The following DNAH17 variants were observed in gnomAD, a reference collection of about 807,000 sequenced individuals.
The protein encoded by DNAH17 is dynein axonemal heavy chain 17.
In DNAH17, 376 loss-of-function variants were observed where a neutral mutation model predicts 485.6. That is an observed-to-expected ratio of 0.77 (90% CI 0.71 to 0.84). The LOEUF (loss-of-function observed/expected upper bound fraction) is 0.84, where lower values mean the gene tolerates loss of function less well. Among genes scored for constraint, DNAH17 ranks in the 40% least tolerant of loss-of-function variants. The pLI is 0.00. For synonymous variants in DNAH17, 3,031 were observed against 2,405.9 expected, an observed-to-expected ratio of 1.26 and a Z score of -7.60; for missense variants, 6,370 against 5,839.3, an observed-to-expected ratio of 1.09 and a Z score of -2.96.
At chr17:78,510,696 C>T in intron 26 of DNAH17, 190 bp from the exon 27 acceptor site, 1 of 701,802 alleles carries the variant, frequency 1.4e-6, no homozygotes. Context: ...GCCTCACCTT[C>T]CTTCCCTGTA....
rs146345760 is a variant in DNAH17 at position 78,572,170 on chromosome 17, T to G, written c.540-388A>C. On this transcript the variant is annotated intron_variant, in intron 3 of 80. Transcript: ENST00000389840. ...GCCCACGTGAGGCAAAATACGGAACTAATTGTCACGGGGGTCTCACATATC... is the reference window on the plus strand; with the variant it reads ...GCCCACGTGAGGCAAAATACGGAACGAATTGTCACGGGGGTCTCACATATC... 3.6e-3 allele frequency among the ~76,000 whole-genome samples: 553 copies of G among 152,284 alleles called. 1 individual carries two copies. Among genetic ancestry groups the G allele is most frequent in the Non-Finnish European group, 5.2e-3 (353 of 68,026 alleles).
At chr17:78,568,290 G>A (rs924475039) in intron 9 of DNAH17, among the ~76,000 whole-genome samples, 1 of 152,056 alleles carries the variant, frequency 6.6e-6, no homozygotes, top group Non-Finnish European at 1.5e-5. Flanking sequence ...ATTAGTCCGC[G>A]CTCTGTGACT....
At chr17:78,504,446 G>A (rs1337431871) in intron 31 of DNAH17, among the ~76,000 whole-genome samples, 1 of 149,930 alleles carries the variant, frequency 6.7e-6, no homozygotes, top group African/African-American at 2.5e-5. Context: ...GTAAGCCCAG[G>A]AAGCGAATCT....
rs185987859 is a variant in DNAH17, at chr17:78,507,746, C to G, written c.4296G>C (p.Pro1432=). Residue 1432 remains proline, a synonymous_variant, in exon 28 of 81, where the codon CCG becomes CCC. Transcript: ENST00000389840. ...SMMEFQHEPH[P]RTGTMMLKSS... ...ACTTGAGCATCATGGTGCCTGTCCG[C>G]GGGTGCGGCTCGTGCTGGAATTCCA... 1 of 1,600,824 alleles carries G rather than the reference C, an allele frequency of 6.2e-7. No individual in the cohort carries two copies. The highest frequency in any genetic ancestry group is 8.5e-7 in the Non-Finnish European group (1 of 1,178,446).
rs2086970259 is a variant in DNAH17, at chr17:78,439,141, AG to A, written c.11753del (p.Ala3918ValfsTer247). 6.2e-7 allele frequency: 1 copy of A among 1,613,534 alleles called. No homozygotes were observed. The highest frequency in any genetic ancestry group is 1.3e-5 in the African/African-American group (1 of 74,918). The part of the protein sequence containing the change: ...VSLGQGQEVV[A>X]ENALDVAAEK... The stretch of plus-strand genomic sequence containing the variant: ...CTGCAGCCACGTCCAGGGCGTTCTC[AG>A]CCACCACCTCTTGTCCCTGCCCCAG... On this transcript the variant is annotated frameshift_variant, in exon 73 of 81. Transcript: ENST00000389840. LOFTEE classifies it high-confidence loss of function.
chr17:78,480,727 A>G lies in DNAH17; in HGVS notation c.7709T>C (p.Met2570Thr). The G allele has an allele frequency of 6.2e-7, 1 of 1,613,768 alleles. No homozygotes were observed. The highest frequency in any genetic ancestry group is 1.1e-5 in the South Asian group (1 of 91,054). The stretch of plus-strand genomic sequence containing the variant: ...GGTGAAGGATCCGGAAGTGGGGTTC[A>G]TGCAGGCCACGTACTGACAATTATG... ...DIHNCQYVAC[M>T]NPTSGSFTID... Residue 2570 changes from methionine to threonine, a missense_variant, in exon 49 of 81, where the codon ATG becomes ACG. Coordinates refer to ENST00000389840, the MANE Select transcript of DNAH17 (RefSeq NM_173628.4).
intron 72 of DNAH17, 98 bp from the exon 73 acceptor site, chr17:78,439,315 T>A (rs1370989116): frequency 3.6e-6 from 5 of 1,399,440 alleles, no homozygotes; most frequent in Non-Finnish European, 4.8e-6. Flanking sequence ...GCCTCCCTCA[T>A]TTAGTTTCGG....
chr17:78,542,766 A>G (rs4969166), intron 17 of DNAH17, among the ~76,000 whole-genome samples: 85,561 of 152,052 alleles, frequency 0.56, 25,032 homozygotes, highest in East Asian at 0.76. Context: ...GCAGGCGTGC[A>G]TTATCACATT....
chr17:78,572,480 G>C (rs1407371291), intron 3 of DNAH17, among the ~76,000 whole-genome samples: 11 of 152,126 alleles, frequency 7.2e-5, no homozygotes, highest in Non-Finnish European at 4.4e-5. Context: ...CAGAGCCCCA[G>C]GGGCTGCAGA....
intron 25 of DNAH17, among the ~76,000 whole-genome samples, chr17:78,516,906 A>G (rs375972373): frequency 1.3e-5 from 2 of 152,152 alleles, no homozygotes; most frequent in Non-Finnish European, 2.9e-5. Context: ...AAAATTAAAT[A>G]AAAGAAGAGA....
At chr17:78,499,315 G>T (rs569248701) in intron 36 of DNAH17, 8 of 410,202 alleles carry the variant, frequency 2.0e-5, no homozygotes, top group Non-Finnish European at 3.0e-5. Context: ...ACACGAGGAA[G>T]AGCCATCCTT....
intron 25 of DNAH17, among the ~76,000 whole-genome samples, chr17:78,523,597 G>A (rs1262048828): frequency 6.6e-6 from 1 of 152,212 alleles, no homozygotes; most frequent in Non-Finnish European, 1.5e-5. Flanking sequence ...CACCAAGGAG[G>A]ATATATAGAT....
chr17:78,552,248 C>T (rs554352006), intron 15 of DNAH17, among the ~76,000 whole-genome samples: 5 of 152,212 alleles, frequency 3.3e-5, no homozygotes, highest in East Asian at 1.9e-4. Context: ...GCCAGGGGGT[C>T]GGGGGCCTTC....
At chr17:78,504,774 G>T (rs1479769824) in intron 31 of DNAH17, among the ~76,000 whole-genome samples, 2 of 152,150 alleles carry the variant, frequency 1.3e-5, no homozygotes, top group Non-Finnish European at 2.9e-5. Flanking sequence ...CTGAGTGGTG[G>T]GCTGTGCAGC....
chr17:78,550,619 C>G (rs1296109378), intron 16 of DNAH17, among the ~76,000 whole-genome samples: 2 of 152,172 alleles, frequency 1.3e-5, no homozygotes, highest in African/African-American at 4.8e-5. Context: ...CCAGAGAGTC[C>G]TGGGGGAGCC....
At chr17:78,445,940 AGGGGGT>A (rs1228881135) in intron 69 of DNAH17, among the ~76,000 whole-genome samples, 20 of 150,462 alleles carry the variant, frequency 1.3e-4, no homozygotes, top group Non-Finnish European at 2.8e-4. Flanking sequence ...GAGGCCGAGG[AGGGGGT>A]GGATCACTTG....
intron 43 of DNAH17, among the ~76,000 whole-genome samples, 171 bp downstream of exon 43, chr17:78,491,272 A>G (rs537798523): frequency 1.3e-5 from 2 of 152,376 alleles, no homozygotes; most frequent in African/African-American, 4.8e-5. Context: ...CGCATGTGAC[A>G]AAGTCTCACG....
Position 78,423,881 on chromosome 17 carries a change from G to A in DNAH17, c.*25C>T. 3 of 1,612,788 alleles carry A rather than the reference G, an allele frequency of 1.9e-6. No homozygotes were observed. The highest frequency in any genetic ancestry group is 1.7e-6 in the Non-Finnish European group (2 of 1,179,082). On this transcript the variant is annotated 3_prime_UTR_variant, in exon 81 of 81. Coordinates refer to ENST00000389840, the MANE Select transcript of DNAH17 (RefSeq NM_173628.4). The stretch of plus-strand genomic sequence containing the variant: ...CTGAGTTGTGGTCCAGCCCCAGGGA[G>A]TGTGGGCTGTGAGGCAGGAGCGAGC...
At position 78,479,510 on chromosome 17, in the gene DNAH17, G is replaced by A; in HGVS notation, c.7875C>T (p.Ser2625=). The part of the protein sequence containing the change: ...RSVSMAIQRI[S]SQLVAAALAL... Reference sequence around the variant, plus strand: ...CCAGGGCCGCGGCCACCAGCTGGCTGCTTATCCTCTGGATAGCCATGGAGA... The same window carrying A: ...CCAGGGCCGCGGCCACCAGCTGGCTACTTATCCTCTGGATAGCCATGGAGA... The change falls in exon 50 of 81, where the codon AGC becomes AGT. Residue 2625 remains serine, a synonymous_variant. Coordinates refer to ENST00000389840, the MANE Select transcript of DNAH17 (RefSeq NM_173628.4). 6.2e-7 allele frequency: 1 copy of A among 1,612,960 alleles called. No homozygotes were observed. The highest frequency in any genetic ancestry group is 1.1e-5 in the South Asian group (1 of 91,044).
Sources: gnomAD v4.1 joint callset for allele counts (sites outside exome capture counted in the v4.1 genomes callset) on GRCh38, gnomAD v4.1.1 for gene constraint, MANE v1.5 for transcripts, NCBI Gene and HGNC (gene_info 2026-07-23, HGNC 2026-07-21) for gene names.